The following NAA35 variants were observed in gnomAD, a reference collection of about 807,000 sequenced individuals.
NAA35 encodes the protein N-alpha-acetyltransferase 35, NatC auxiliary subunit.
In NAA35, 18 loss-of-function variants were observed where a neutral mutation model predicts 101.7. That is an observed-to-expected ratio of 0.18 (90% CI 0.12 to 0.26). The LOEUF (loss-of-function observed/expected upper bound fraction) is 0.26. Ranked by LOEUF, NAA35 falls within the 10% of genes least tolerant of loss-of-function variation. The pLI is 1.00. For missense variants in NAA35, 601 were observed against 886.8 expected (o/e 0.68, Z 4.09); for synonymous variants, 267 against 273.1 (o/e 0.98, Z 0.22).
At position 86,025,108 on chromosome 9, in the gene NAA35, C is replaced by T. The variant is rs1351176957; in HGVS notation, c.*3148C>T. 1.3e-5 allele frequency among the ~76,000 whole-genome samples: 2 copies of T among 152,306 alleles called. No homozygotes were observed. The highest frequency in any genetic ancestry group is 2.1e-4 in the South Asian group (1 of 4,826). On this transcript the variant is annotated 3_prime_UTR_variant, in exon 23 of 23. Coordinates refer to ENST00000361671, the MANE Select transcript of NAA35 (RefSeq NM_024635.4). ...AGTATACTGCCTTAAATAAAGTGCA[C>T]CCTGTTTGGAAAAGTTCAGGAGAGG...
chr9:86,021,085 TAAAAATTTTAGTTC>T (rs1238362862), intron 22 of NAA35, 116 bp downstream of exon 22: 2 of 718,970 alleles, frequency 2.8e-6, no homozygotes, highest in East Asian at 6.1e-5. Context: ...AAAATCATTC[TAAAAATTTTAGTTC>T]AGCAGCAAAA....
intron 3 of NAA35, among the ~76,000 whole-genome samples, 199 bp downstream of exon 3, chr9:85,956,592 C>T (rs188086581): frequency 9.2e-5 from 14 of 152,084 alleles, no homozygotes; most frequent in African/African-American, 3.4e-4. Flanking sequence ...AATGGTTATA[C>T]CTAGGGAAAC....
chr9:85,996,660 C>T, intron 12 of NAA35, 83 bp downstream of exon 12: 1 of 1,113,236 alleles, frequency 9.0e-7, no homozygotes, highest in South Asian at 1.7e-5. Context: ...TATGTGGTAA[C>T]TTTGGTTTAA....
At position 86,025,220 on chromosome 9, in the gene NAA35, G is replaced by A. The variant is rs1832734046; in HGVS notation, c.*3260G>A. The stretch of plus-strand genomic sequence containing the variant: ...GACTTATCAGGAAAATAAGCAGAAT[G>A]AGGGCCATATGCCGCTCAGAGGCCA... On this transcript the variant is annotated 3_prime_UTR_variant, in exon 23 of 23. Transcript: ENST00000361671. 6.6e-6 allele frequency among the ~76,000 whole-genome samples: 1 copy of A among 152,142 alleles called. No homozygotes were observed. The highest frequency in any genetic ancestry group is 1.5e-5 in the Non-Finnish European group (1 of 68,038).
chr9:85,981,440 G>T (rs1326297354), intron 11 of NAA35, among the ~76,000 whole-genome samples: 1 of 152,162 alleles, frequency 6.6e-6, no homozygotes, highest in Admixed American at 6.5e-5. Flanking sequence ...TGCCATGTCT[G>T]ACTACTCCTG....
intron 6 of NAA35, among the ~76,000 whole-genome samples, chr9:85,971,468 C>T (rs1465482497): frequency 2.0e-5 from 3 of 152,192 alleles, no homozygotes; most frequent in Non-Finnish European, 4.4e-5. Context: ...CTCCCTCCCT[C>T]CTCCATAACT....
chr9:86,021,348 A>G (rs1426647001), intron 22 of NAA35, among the ~76,000 whole-genome samples: 5 of 152,232 alleles, frequency 3.3e-5, no homozygotes, highest in Non-Finnish European at 7.3e-5. Flanking sequence ...CAGAAGAGGA[A>G]GAGTCTAAGC....
At position 86,004,191 on chromosome 9, in the gene NAA35, G is replaced by A. The variant is rs138951957; in HGVS notation, c.1116+547G>A. Among the ~76,000 whole-genome samples, 647 of 152,180 alleles carry A rather than the reference G, an allele frequency of 4.3e-3. 6 individuals carry two copies. Among genetic ancestry groups the A allele is most frequent in the African/African-American group, 0.015 (613 of 41,530 alleles). ...ATGCTCTTGGCTAACTGCAATCTCC[G>A]CCTCCCGGGTTCAAGTGATTCTTGT... On this transcript the variant is annotated intron_variant, in intron 13 of 22. Transcript: ENST00000361671.
intron 2 of NAA35, among the ~76,000 whole-genome samples, chr9:85,954,867 TCG>T (rs1414253427): frequency 2.0e-5 from 3 of 152,198 alleles, no homozygotes; most frequent in African/African-American, 7.2e-5. Flanking sequence ...AGACCACTCT[TCG>T]AGAATTGCTG....
chr9:85,970,482 C>T (rs1279032072), intron 6 of NAA35, among the ~76,000 whole-genome samples: 2 of 152,080 alleles, frequency 1.3e-5, no homozygotes, highest in Non-Finnish European at 2.9e-5. Flanking sequence ...CGGATAGCAC[C>T]TTAGTCAAGT....
Position 86,022,027 on chromosome 9 carries a change from T to G in NAA35, c.*67T>G. 1 of 1,193,106 alleles carries G rather than the reference T, an allele frequency of 8.4e-7. No homozygotes were observed. The highest frequency in any genetic ancestry group is 1.2e-6 in the Non-Finnish European group (1 of 814,794). The allele number at this position is 1,193,106 out of a possible 1,614,324, so 73.9% of individuals were successfully genotyped here. A position where few individuals can be genotyped will look rare whatever the true frequency, so the allele number is the denominator to read the frequency against. On this transcript the variant is annotated 3_prime_UTR_variant, in exon 23 of 23. Coordinates refer to ENST00000361671, the MANE Select transcript of NAA35 (RefSeq NM_024635.4). ...TCAGACCCAACTCTTAGAGGGCACATCACCAGGCTCCACATCACGGGAAGT... is the reference window on the plus strand; with the variant it reads ...TCAGACCCAACTCTTAGAGGGCACAGCACCAGGCTCCACATCACGGGAAGT...
At position 86,018,388 on chromosome 9, in the gene NAA35, A is replaced by C; in HGVS notation, c.1907A>C (p.Gln636Pro). The change falls in exon 20 of 23, where the codon CAG becomes CCG. Residue 636 changes from glutamine to proline, a missense_variant. Transcript: ENST00000361671. ...VMTPPPVHYL[Q>P]FKEMSDLNKY... ...ACCCCGCCGCCAGTGCACTACTTAC[A>C]GTTCAAGGTGAACCTGCTCAATGAA... 1.9e-6 allele frequency: 3 copies of C among 1,609,870 alleles called. No individual in the cohort carries two copies. Among genetic ancestry groups the C allele is most frequent in the East Asian group, 2.2e-5 (1 of 44,746 alleles).
At chr9:86,008,736 A>C (rs1053639694) in intron 14 of NAA35, among the ~76,000 whole-genome samples, 9 of 152,230 alleles carry the variant, frequency 5.9e-5, no homozygotes, top group African/African-American at 2.2e-4. Context: ...CACTGTTTTA[A>C]AACTTTCAGT....
At chr9:85,966,014 C>G (rs1025547637) in intron 6 of NAA35, among the ~76,000 whole-genome samples, 2 of 152,196 alleles carry the variant, frequency 1.3e-5, no homozygotes, top group Non-Finnish European at 2.9e-5. Flanking sequence ...TCGTAGCTCA[C>G]TGGTAGCCTT....
In NAA35 at chr9:86,023,993, A is replaced by C. The variant is rs957360359; in HGVS notation, c.*2033A>C. On this transcript the variant is annotated 3_prime_UTR_variant, in exon 23 of 23. Coordinates refer to ENST00000361671, the MANE Select transcript of NAA35 (RefSeq NM_024635.4). ...GCCTGCTTGGCTAGTTTTTGTTTTT[A>C]AACAGCAGGTTTCTAATTATAAAAA... Among the ~76,000 whole-genome samples, 6 of 152,232 alleles carry C rather than the reference A, an allele frequency of 3.9e-5. No individual in the cohort carries two copies. The highest frequency in any genetic ancestry group is 1.4e-4 in the African/African-American group (6 of 41,458).
At chr9:86,009,799 T>C (rs1831818984) in intron 14 of NAA35, 66 bp from the exon 15 acceptor site, 2 of 1,146,786 alleles carry the variant, frequency 1.7e-6, no homozygotes, top group African/African-American at 3.1e-5. Context: ...TGGTAGCATC[T>C]GCAGTAATTG....
intron 2 of NAA35, among the ~76,000 whole-genome samples, chr9:85,949,119 A>G (rs1828892504): frequency 6.6e-6 from 1 of 151,920 alleles, no homozygotes; most frequent in Admixed American, 6.6e-5. Context: ...CAGAACTTTC[A>G]CTGTGGTCTG....
At chr9:85,941,815 G>A (rs1828531322) in intron 1 of NAA35, 2 of 1,022,444 alleles carry the variant, frequency 2.0e-6, no homozygotes, top group African/African-American at 3.4e-5. Context: ...ATAGTGCCTT[G>A]GTCTTTTGTG....
chr9:86,004,815 TC>T (rs1446326980), intron 13 of NAA35, among the ~76,000 whole-genome samples: 3 of 152,206 alleles, frequency 2.0e-5, no homozygotes, highest in African/African-American at 7.2e-5. Flanking sequence ...ATGGACCTAT[TC>T]CTTTAAATGT....
Sources: gnomAD v4.1 joint callset for allele counts (sites outside exome capture counted in the v4.1 genomes callset) on GRCh38, gnomAD v4.1.1 for gene constraint, MANE v1.5 for transcripts, NCBI Gene and HGNC (gene_info 2026-07-23, HGNC 2026-07-21) for gene names.